IL15: variants seen among roughly 807,000 people sequenced by gnomAD.
The protein encoded by IL15 is interleukin-15.
A neutral mutation model predicts 19.6 loss-of-function variants in IL15; 11 were observed. The ratio of observed to expected loss-of-function variants is 0.56; its 90% CI spans 0.35 to 0.93. The LOEUF (loss-of-function observed/expected upper bound fraction) is 0.93. IL15 is among the 40% of genes least tolerant of loss of function. The pLI is 0.01. For missense variants in IL15, 197 were observed against 186.5 expected, an observed-to-expected ratio of 1.06 and a Z score of -0.33; for synonymous variants, 58 against 59.6, an observed-to-expected ratio of 0.97 and a Z score of 0.12.
intron 2 of IL15, among the ~76,000 whole-genome samples, chr4:141,697,780 A>C (rs1383173019): frequency 6.6e-6 from 1 of 151,656 alleles, no homozygotes; most frequent in Non-Finnish European, 1.5e-5. Flanking sequence ...AAAGGGGTCG[A>C]ATGACAATTC....
At chr4:141,730,115 G>A (rs1391460748) in intron 7 of IL15, 131 bp downstream of exon 7, 2 of 734,270 alleles carry the variant, frequency 2.7e-6, no homozygotes, top group Non-Finnish European at 4.8e-6. Flanking sequence ...GGAGTGGTGT[G>A]CAAAAGTGGC....
chr4:141,732,786 A>T lies in IL15; in HGVS notation c.427A>T (p.Asn143Tyr). ...CKECEELEEK[N>Y]IKEFLQSFVH... ...AGAATGTGAGGAACTGGAGGAAAAA[A>T]ATATTAAAGAATTTTTGCAGAGTTT... Residue 143 changes from asparagine to tyrosine, a missense_variant, in exon 8 of 8, where the codon AAT (asparagine) becomes TAT (tyrosine). Transcript: ENST00000320650. The T allele has an allele frequency of 6.2e-7, 1 of 1,613,070 alleles. No individual in the cohort carries two copies. The highest frequency in any genetic ancestry group is 8.5e-7 in the Non-Finnish European group (1 of 1,179,668).
intron 2 of IL15, among the ~76,000 whole-genome samples, chr4:141,693,477 T>C (rs1209687895): frequency 6.6e-6 from 1 of 152,216 alleles, no homozygotes; most frequent in African/African-American, 2.4e-5. Context: ...TCAGTAAATA[T>C]CTGCTGAACA....
intron 2 of IL15, among the ~76,000 whole-genome samples, chr4:141,704,034 ATTTGGATGCCTT>A (rs1362328713): frequency 6.6e-6 from 1 of 152,102 alleles, no homozygotes; most frequent in East Asian, 1.9e-4. Flanking sequence ...CTCCTTTCCA[ATTTGGATGCCTT>A]TTATTTATCT....
intron 2 of IL15, among the ~76,000 whole-genome samples, chr4:141,660,763 A>G (rs1299213150): frequency 6.6e-6 from 1 of 152,214 alleles, no homozygotes; most frequent in African/African-American, 2.4e-5. Flanking sequence ...ATTATTATAA[A>G]TAGCACTTCA....
chr4:141,721,120 C>A, intron 4 of IL15: 4 of 1,527,994 alleles, frequency 2.6e-6, no homozygotes, highest in Non-Finnish European at 3.6e-6. Flanking sequence ...ATCTGACTCT[C>A]AGTTCAGTTT....
intron 1 of IL15, among the ~76,000 whole-genome samples, chr4:141,648,176 A>C (rs1727291868): frequency 6.6e-6 from 1 of 152,024 alleles, no homozygotes. Context: ...TATTCACAGC[A>C]TATTTCCTAT....
At chr4:141,705,007 T>G (rs766406469) in intron 2 of IL15, among the ~76,000 whole-genome samples, 1 of 151,936 alleles carries the variant, frequency 6.6e-6, no homozygotes, top group Non-Finnish European at 1.5e-5. Context: ...TTGATTTTTA[T>G]CTTTTTAAAA....
intron 2 of IL15, among the ~76,000 whole-genome samples, chr4:141,696,891 C>T (rs1172208153): frequency 6.6e-6 from 1 of 151,726 alleles, no homozygotes; most frequent in Non-Finnish European, 1.5e-5. Flanking sequence ...TATTTGAGGT[C>T]CTTGTACGTT....
rs1406972827 is a variant in IL15 at position 141,665,709 on chromosome 4, AC to A, written c.-100+9404del. Among the ~76,000 whole-genome samples, 7 of 152,266 alleles carry A rather than the reference AC, an allele frequency of 4.6e-5. No homozygotes were observed. In the East Asian group the frequency reaches 1.3e-3, roughly 29 times the overall value. On this transcript the variant is annotated intron_variant, in intron 2 of 7. Coordinates refer to ENST00000320650, the MANE Select transcript of IL15 (RefSeq NM_000585.5). ...ATTTCTTTATATATTTCCATACATTACCATATTCATTCCTAACTATGGTATA... is the reference window on the plus strand; with the variant it reads ...ATTTCTTTATATATTTCCATACATTACATATTCATTCCTAACTATGGTATA...
At chr4:141,651,041 T>C (rs1468386483) in intron 1 of IL15, among the ~76,000 whole-genome samples, 7 of 151,960 alleles carry the variant, frequency 4.6e-5, no homozygotes, top group African/African-American at 1.7e-4. Flanking sequence ...TAATGATGAA[T>C]AGATGGGAAT....
chr4:141,648,678 CT>C (rs1377556007), intron 1 of IL15, among the ~76,000 whole-genome samples: 3 of 152,028 alleles, frequency 2.0e-5, no homozygotes, highest in African/African-American at 7.2e-5. Context: ...GATTCTACTC[CT>C]GAAAAGCAAG....
intron 2 of IL15, among the ~76,000 whole-genome samples, chr4:141,672,885 G>A (rs769505574): frequency 1.3e-5 from 2 of 152,084 alleles, no homozygotes; most frequent in African/African-American, 4.8e-5. Flanking sequence ...TTCTTTTGAT[G>A]AGTGTCTCCC....
At chr4:141,661,862 A>G (rs1419972938) in intron 2 of IL15, among the ~76,000 whole-genome samples, 1 of 152,054 alleles carries the variant, frequency 6.6e-6, no homozygotes, top group Admixed American at 6.5e-5. Flanking sequence ...TCCTGGAATC[A>G]TACCCCTCAA....
chr4:141,703,627 T>A (rs1729404446), intron 2 of IL15, among the ~76,000 whole-genome samples: 2 of 151,916 alleles, frequency 1.3e-5, no homozygotes, highest in Non-Finnish European at 1.5e-5. Flanking sequence ...TTTTTTTTCC[T>A]ATCTCATGGA....
intron 5 of IL15, 100 bp downstream of exon 5, chr4:141,722,108 A>G: frequency 7.5e-7 from 1 of 1,332,342 alleles, no homozygotes; most frequent in African/African-American, 1.5e-5. Context: ...CACTTGAAAC[A>G]ATAATATTTT....
At chr4:141,658,239 C>T (rs1265644887) in intron 2 of IL15, among the ~76,000 whole-genome samples, 1 of 152,202 alleles carries the variant, frequency 6.6e-6, no homozygotes, top group Non-Finnish European at 1.5e-5. Context: ...TCCACTTCAT[C>T]TTCTGCCATG....
chr4:141,715,451 C>G (rs1366771535), intron 2 of IL15: 1 of 152,198 alleles, frequency 6.6e-6, no homozygotes. Flanking sequence ...CAACCTCACC[C>G]TTCTTACCTT....
intron 2 of IL15, chr4:141,717,742 C>A (rs1270973063): frequency 1.3e-5 from 2 of 151,740 alleles, no homozygotes; most frequent in Non-Finnish European, 2.9e-5. Context: ...CTCACCACAA[C>A]CTCTTTCTCC....
Sources: allele counts gnomAD v4.1 joint callset (sites outside exome capture counted in the v4.1 genomes callset), GRCh38; gene constraint gnomAD v4.1.1; transcripts MANE v1.5; gene names NCBI Gene and HGNC (gene_info 2026-07-23, HGNC 2026-07-21).